The following KANK1 variants were observed in gnomAD, a reference collection of about 807,000 sequenced individuals.
The protein encoded by KANK1 is KN motif and ankyrin repeat domain-containing protein 1.
KANK1 carries 109 observed loss-of-function variants against 106.2 expected under a neutral mutation model. That is an observed-to-expected ratio of 1.03 (90% CI 0.88 to 1.20). KANK1 has a LOEUF of 1.20. Among genes scored for constraint, KANK1 ranks in the 50% most tolerant of loss-of-function variants. The pLI, the probability that KANK1 is intolerant of heterozygous loss-of-function variation, is 0.00. For missense variants in KANK1, 2,399 were observed against 1,710.7 expected (o/e 1.40, Z -7.10); for synonymous variants, 873 against 652.2 (o/e 1.34, Z -5.16).
chr9:725,417 C>T (rs568262262), intron 3 of KANK1, among the ~76,000 whole-genome samples: 8 of 148,880 alleles, frequency 5.4e-5, no homozygotes, highest in African/African-American at 9.9e-5. Flanking sequence ...CGCTTGAACC[C>T]GGGAGGCGGA....
At chr9:736,861 C>T (rs544933464) in intron 7 of KANK1, among the ~76,000 whole-genome samples, 1 of 152,224 alleles carries the variant, frequency 6.6e-6, no homozygotes, top group Non-Finnish European at 1.5e-5. Context: ...AAACTTAAAA[C>T]TGGTGCCTTA....
intron 10 of KANK1, among the ~76,000 whole-genome samples, chr9:743,403 A>C (rs1418322793): frequency 6.6e-6 from 1 of 152,096 alleles, no homozygotes; most frequent in East Asian, 1.9e-4. Context: ...TGGGAGGGAG[A>C]GCTTCTGACC....
chr9:736,149 C>G (rs897037497), intron 7 of KANK1, among the ~76,000 whole-genome samples: 2 of 152,156 alleles, frequency 1.3e-5, no homozygotes, highest in East Asian at 3.9e-4. Flanking sequence ...TAGTAGAGAC[C>G]GGGTTTCACC....
rs1215144327 is a variant in KANK1 at position 579,389 on chromosome 9, A to T, written c.-84+74635A>T. 3.3e-5 allele frequency among the ~76,000 whole-genome samples: 5 copies of T among 152,174 alleles called. 1 individual carries two copies. Among genetic ancestry groups the T allele is most frequent in the African/African-American group, 1.2e-4 (5 of 41,426 alleles). ...CCCAAAATCCAGGATCTTCAGAGAA[A>T]ACCTAAGAATCAAAAATAGAAAAGC... is the stretch of plus-strand genomic sequence containing the variant. On this transcript the variant is annotated intron_variant, in intron 1 of 11. Transcript: ENST00000382297.
intron 1 of KANK1, among the ~76,000 whole-genome samples, chr9:523,908 T>C (rs1237371752): frequency 6.6e-6 from 1 of 151,668 alleles, no homozygotes. Context: ...CCCAGTAGAA[T>C]ACGGGCTTTT....
chr9:737,707 A>G (rs1417736989), intron 7 of KANK1, among the ~76,000 whole-genome samples: 1 of 152,220 alleles, frequency 6.6e-6, no homozygotes, highest in African/African-American at 2.4e-5. Flanking sequence ...TGGGTTGGCT[A>G]TACACGTACG....
At chr9:727,441 G>GATTAC (rs761295050) in intron 3 of KANK1, among the ~76,000 whole-genome samples, 256 of 151,676 alleles carry the variant, frequency 1.7e-3, no homozygotes, top group Middle Eastern at 6.8e-3. Context: ...TCAGCCTCCC[G>GATTAC]AGCAGCTCTG....
intron 1 of KANK1, among the ~76,000 whole-genome samples, chr9:507,275 A>C (rs2058805167): frequency 6.6e-6 from 1 of 150,868 alleles, no homozygotes; most frequent in African/African-American, 2.4e-5. Flanking sequence ...GGATTGCTTT[A>C]GCCCAGGAGT....
chr9:501,414 T>TA (rs144071363), upstream of KANK1, among the ~76,000 whole-genome samples: 11,623 of 149,452 alleles, frequency 0.078, 1,124 homozygotes, highest in African/African-American at 0.23. Context: ...ACAAACTTTA[T>TA]AAAAAAAAAA....
chr9:650,840 A>G (rs912660033), intron 1 of KANK1, among the ~76,000 whole-genome samples: 2 of 152,174 alleles, frequency 1.3e-5, no homozygotes, highest in Admixed American at 6.5e-5. Context: ...GTAACGGCTT[A>G]TTTTACATCT....
intron 1 of KANK1, among the ~76,000 whole-genome samples, chr9:556,025 C>T (rs561873479): frequency 1.3e-5 from 2 of 152,232 alleles, no homozygotes; most frequent in South Asian, 2.1e-4. Flanking sequence ...CTATAAAATA[C>T]TGCTGCAAAG....
chr9:484,435 A>T (rs1422826305), intron 3 of KANK1: 1 of 152,230 alleles, frequency 6.6e-6, no homozygotes, highest in Non-Finnish European at 1.5e-5. Context: ...AGCACTCCAG[A>T]TGTGTCTGCT....
intron 3 of KANK1, chr9:473,280 C>T (rs1384007918): frequency 2.0e-5 from 3 of 152,200 alleles, no homozygotes; most frequent in Admixed American, 2.0e-4. Flanking sequence ...GAACGTGAGT[C>T]TGACTGATTC....
intron 1 of KANK1, among the ~76,000 whole-genome samples, chr9:551,024 G>T (rs532045169): frequency 6.6e-6 from 1 of 151,952 alleles, no homozygotes; most frequent in Non-Finnish European, 1.5e-5. Context: ...AGCAGAAAAA[G>T]AGATGGGTCA....
intron 7 of KANK1, among the ~76,000 whole-genome samples, chr9:736,476 G>A (rs1833833172): frequency 1.3e-5 from 2 of 152,124 alleles, no homozygotes; most frequent in Non-Finnish European, 1.5e-5. Flanking sequence ...GGCCAAGGCA[G>A]TGGATCACTT....
intron 1 of KANK1, among the ~76,000 whole-genome samples, chr9:510,138 G>A (rs12335596): frequency 0.16 from 23,772 of 151,948 alleles, 3,329 homozygotes; most frequent in African/African-American, 0.38. Context: ...TTGCTAATAT[G>A]TTACCTGCAA....
At chr9:648,846 CTCTT>C (rs1233317613) in intron 1 of KANK1, among the ~76,000 whole-genome samples, 3 of 152,174 alleles carry the variant, frequency 2.0e-5, no homozygotes, top group Non-Finnish European at 4.4e-5. Flanking sequence ...AGCTGGGAGA[CTCTT>C]TATTCTGAAA....
In KANK1 at chr9:509,106, A is replaced by T. The variant is rs150451213; in HGVS notation, c.-84+4352A>T. The stretch of plus-strand genomic sequence containing the variant: ...ATGGACAAAATATGACCTATTTATT[A>T]TTTTTTTTTTGGAGGCGGAGTCTTG... On this transcript the variant is annotated intron_variant, in intron 1 of 11. Coordinates refer to ENST00000382297, the MANE Select transcript of KANK1 (RefSeq NM_015158.5). Among the ~76,000 whole-genome samples the T allele has an allele frequency of 1.0e-4, 15 of 149,570 alleles. No individual in the cohort carries two copies. The East Asian group carries it at 2.5e-3, about 25-fold the overall frequency.
At chr9:616,570 T>C (rs545169215) in intron 1 of KANK1, among the ~76,000 whole-genome samples, 10 of 152,354 alleles carry the variant, frequency 6.6e-5, no homozygotes, top group African/African-American at 2.4e-4. Context: ...GAATACTTTA[T>C]ATCCTCTATC....
Sources: gnomAD v4.1 joint callset for allele counts (sites outside exome capture counted in the v4.1 genomes callset) on GRCh38, gnomAD v4.1.1 for gene constraint, MANE v1.5 for transcripts, NCBI Gene and HGNC (gene_info 2026-07-23, HGNC 2026-07-21) for gene names.